Variants in PWP1 observed in about 807,000 individuals in gnomAD.
The protein encoded by PWP1 is periodic tryptophan protein 1 homolog.
A neutral mutation model predicts 69.9 loss-of-function variants in PWP1; 47 were observed. The observed-to-expected ratio is 0.67, with a 90% CI of 0.53 to 0.86. The LOEUF (loss-of-function observed/expected upper bound fraction) is 0.86, where lower values mean the gene tolerates loss of function less well. Ranked by LOEUF, PWP1 falls within the 40% of genes least tolerant of loss-of-function variation. The pLI is 0.00. For synonymous variants in PWP1, 222 were observed against 208.2 expected, an observed-to-expected ratio of 1.07 and a Z score of -0.57; for missense variants, 551 against 608.8, an observed-to-expected ratio of 0.91 and a Z score of 1.00.
Position 107,712,332 on chromosome 12 carries a change from C to A in PWP1, c.*112C>A. ...AGAGTGACTGAAACACAATTCATTT[C>A]TGACTGACATTCCTTTCTGCAACTG... is the stretch of plus-strand genomic sequence containing the variant. On this transcript the variant is annotated 3_prime_UTR_variant, in exon 15 of 15. Transcript: ENST00000412830. 1 of 743,342 alleles carries A rather than the reference C, an allele frequency of 1.3e-6. No homozygotes were observed. The highest frequency in any genetic ancestry group is 2.3e-6 in the Non-Finnish European group (1 of 442,896). 46.0% of individuals were successfully genotyped at this position (743,342 alleles called of 1,614,324 possible).
chr12:107,686,392 C>G (rs1320652300), intron 1 of PWP1, among the ~76,000 whole-genome samples: 1 of 152,192 alleles, frequency 6.6e-6, no homozygotes, highest in African/African-American at 2.4e-5. Flanking sequence ...TGCTCCGTGT[C>G]TGAAGGAGTG....
At chr12:107,692,601 C>T in intron 3 of PWP1, 1 of 518,180 alleles carries the variant, frequency 1.9e-6, no homozygotes. Context: ...TTGTGAATTC[C>T]AAGACTGTCT....
chr12:107,703,753 A>AAGCAC lies in PWP1; in HGVS notation c.965+12_965+16dup. The AAGCAC allele has an allele frequency of 1.3e-6, 2 of 1,582,506 alleles. No homozygotes were observed. The highest frequency in any genetic ancestry group is 2.2e-5 in the East Asian group (1 of 44,700). ...TTTCTGGCTCATATGATAAGTAAGA[A>AAGCAC]AGCACAGCAAGAATGATTGCTACTC... On this transcript the variant is annotated splice_region_variant and intron_variant, in intron 10 of 14. Coordinates refer to ENST00000412830, the MANE Select transcript of PWP1 (RefSeq NM_007062.3).
Position 107,697,569 on chromosome 12 carries a change from C to G in PWP1, c.716C>G (p.Ser239Ter). Residue 239 changes from serine to a stop codon, truncating the protein, a stop_gained, in exon 7 of 15, where the codon TCA becomes TGA. Transcript: ENST00000412830. LOFTEE classifies it high-confidence loss of function. Reference sequence around the variant, plus strand: ...GTCTTCACACTCGGAAGTAAACTTTCAAAAAAGAAGAAAAAGAAAGGAAAG... The same window carrying G: ...GTCTTCACACTCGGAAGTAAACTTTGAAAAAAGAAGAAAAAGAAAGGAAAG... ...EPVFTLGSKL[S>*]KKKKKKGKKS... is the part of the protein sequence containing the mutation. 6.2e-7 allele frequency: 1 copy of G among 1,602,310 alleles called. No individual in the cohort carries two copies. The highest frequency in any genetic ancestry group is 8.5e-7 in the Non-Finnish European group (1 of 1,176,216).
intron 5 of PWP1, among the ~76,000 whole-genome samples, chr12:107,696,029 C>CT (rs397700499): frequency 0.14 from 14,023 of 103,662 alleles, 1,863 homozygotes; most frequent in African/African-American, 0.29. Context: ...ATATTGGAAT[C>CT]TTTTTTTTTT....
intron 11 of PWP1, among the ~76,000 whole-genome samples, chr12:107,706,260 A>G (rs1248294923): frequency 1.3e-5 from 2 of 152,068 alleles, no homozygotes; most frequent in Non-Finnish European, 2.9e-5. Context: ...TTTCTTGTAA[A>G]TTTGTTTGAG....
In PWP1 at chr12:107,704,663, T is replaced by C; in HGVS notation, c.993T>C (p.Ser331=). 1.2e-6 allele frequency: 2 copies of C among 1,613,998 alleles called. No homozygotes were observed. Among genetic ancestry groups the C allele is most frequent in the Non-Finnish European group, 1.7e-6 (2 of 1,179,914 alleles). ...CAGTGGCTTTGTATGACTGCCGAAGTCCAGATGAAAGCCATCGAATGTGGC... is the reference window on the plus strand; with the variant it reads ...CAGTGGCTTTGTATGACTGCCGAAGCCCAGATGAAAGCCATCGAATGTGGC... The part of the protein sequence containing the change: ...DKSVALYDCR[S]PDESHRMWRF... Residue 331 remains serine (S), a synonymous_variant, in exon 11 of 15, where the codon AGT becomes AGC. Coordinates refer to ENST00000412830, the MANE Select transcript of PWP1 (RefSeq NM_007062.3).
chr12:107,685,801 C>A lies in PWP1; in HGVS notation c.-99C>A. 7 of 1,300,204 alleles carry A rather than the reference C, an allele frequency of 5.4e-6. No homozygotes were observed. Among genetic ancestry groups the A allele is most frequent in the Non-Finnish European group, 7.7e-6 (7 of 914,472 alleles). The allele number at this position is 1,300,204 out of a possible 1,614,324, so 80.5% of individuals were successfully genotyped here. ...CTGCGCATGCGCTCTGCCCTGGCAGCGGCCCTGTGCAGATCCCTGAGCGTG... is the reference window on the plus strand; with the variant it reads ...CTGCGCATGCGCTCTGCCCTGGCAGAGGCCCTGTGCAGATCCCTGAGCGTG... On this transcript the variant is annotated 5_prime_UTR_variant, in exon 1 of 15. Transcript: ENST00000412830.
Position 107,713,063 on chromosome 12 carries a change from G to GTGTT in PWP1, c.*844_*847dup, listed in dbSNP as rs1398179786. On this transcript the variant is annotated 3_prime_UTR_variant, in exon 15 of 15. Transcript: ENST00000412830. The stretch of plus-strand genomic sequence containing the variant: ...CATGAATGTGACTTCAGTCATTCTA[G>GTGTT]TGTTAATACTGTGGAATGTCATTGG... The GTGTT allele has an allele frequency of 6.6e-6, 1 of 152,194 alleles. No homozygotes were observed. The highest frequency in any genetic ancestry group is 2.4e-5 in the African/African-American group (1 of 41,446). The allele number at this position is 152,194 out of a possible 1,614,324, so 9.4% of individuals were successfully genotyped here.
intron 3 of PWP1, among the ~76,000 whole-genome samples, chr12:107,691,353 G>C (rs1889476508): frequency 6.6e-6 from 1 of 152,210 alleles, no homozygotes; most frequent in African/African-American, 2.4e-5. Context: ...AGTAAACTTA[G>C]AATACCAGGC....
chr12:107,692,484 G>A (rs866361209), intron 3 of PWP1, among the ~76,000 whole-genome samples: 2 of 152,126 alleles, frequency 1.3e-5, no homozygotes, highest in Non-Finnish European at 2.9e-5. Flanking sequence ...CTGCCTCTCC[G>A]TATCACCTTC....
At chr12:107,704,971 T>G (rs1889788159) in intron 11 of PWP1, among the ~76,000 whole-genome samples, 1 of 152,160 alleles carries the variant, frequency 6.6e-6, no homozygotes, top group Non-Finnish European at 1.5e-5. Context: ...CATTCCAAAG[T>G]GTGCCACGTT....
intron 11 of PWP1, among the ~76,000 whole-genome samples, chr12:107,706,902 T>G (rs186741422): frequency 0.017 from 2,641 of 152,280 alleles, 44 homozygotes; most frequent in African/African-American, 0.042. Flanking sequence ...TGGTTCTATA[T>G]GAACTTTAAA....
chr12:107,709,397 ACTTAGAACG>A (rs1380652348), intron 13 of PWP1, among the ~76,000 whole-genome samples, 165 bp downstream of exon 13: 1 of 152,038 alleles, frequency 6.6e-6, no homozygotes, highest in Non-Finnish European at 1.5e-5. Context: ...GGATTTTATG[ACTTAGAACG>A]CTTTGTGGGG....
chr12:107,701,032 A>T (rs1889700120), intron 8 of PWP1, among the ~76,000 whole-genome samples: 1 of 152,128 alleles, frequency 6.6e-6, no homozygotes, highest in Non-Finnish European at 1.5e-5. Context: ...ACCTGGCTTA[A>T]TCTGCATTTC....
At chr12:107,687,902 G>T (rs370072718) in intron 1 of PWP1, among the ~76,000 whole-genome samples, 3 of 151,640 alleles carry the variant, frequency 2.0e-5, no homozygotes, top group Non-Finnish European at 2.9e-5. Flanking sequence ...GTGGTGGCGC[G>T]TGCCTGTAAT....
chr12:107,695,727 G>A (rs1272431897), intron 5 of PWP1, among the ~76,000 whole-genome samples: 1 of 152,080 alleles, frequency 6.6e-6, no homozygotes, highest in Non-Finnish European at 1.5e-5. Flanking sequence ...AGTAATTTTT[G>A]ATAAGCATTT....
At chr12:107,698,439 G>A (rs1462436738) in intron 7 of PWP1, among the ~76,000 whole-genome samples, 1 of 151,964 alleles carries the variant, frequency 6.6e-6, no homozygotes, top group Non-Finnish European at 1.5e-5. Context: ...GGTGGGAGGA[G>A]TGCTTGAGCC....
chr12:107,700,903 C>A (rs907571553), intron 8 of PWP1, among the ~76,000 whole-genome samples: 10 of 152,004 alleles, frequency 6.6e-5, no homozygotes, highest in Non-Finnish European at 1.5e-4. Flanking sequence ...CATTTCCCCC[C>A]CTTTTTTTAA....
Sources: allele counts gnomAD v4.1 joint callset (sites outside exome capture counted in the v4.1 genomes callset), GRCh38; gene constraint gnomAD v4.1.1; transcripts MANE v1.5; gene names NCBI Gene and HGNC (gene_info 2026-07-23, HGNC 2026-07-21).